The following DCLK1 variants were observed in gnomAD, a reference collection of about 807,000 sequenced individuals.
The protein encoded by DCLK1 is serine/threonine-protein kinase DCLK1.
A neutral mutation model predicts 86.2 loss-of-function variants in DCLK1; 16 were observed. The ratio of observed to expected loss-of-function variants is 0.19; its 90% CI spans 0.13 to 0.28. DCLK1 has a LOEUF of 0.28. DCLK1 is among the 10% of genes least tolerant of loss of function. DCLK1 has a pLI of 1.00. For missense variants in DCLK1, 590 were observed against 940.2 expected (o/e 0.63, Z 4.87); for synonymous variants, 369 against 370.5 (o/e 1.00, Z 0.05).
chr13:35,931,966 G>A (rs1016898918), intron 4 of DCLK1, among the ~76,000 whole-genome samples: 3 of 152,126 alleles, frequency 2.0e-5, no homozygotes, highest in Admixed American at 6.5e-5. Context: ...TTACCCACTG[G>A]GTATGTAACT....
chr13:35,824,797 C>T (rs2087482200), intron 10 of DCLK1, among the ~76,000 whole-genome samples: 1 of 152,184 alleles, frequency 6.6e-6, no homozygotes, highest in Non-Finnish European at 1.5e-5. Flanking sequence ...TTCATTCCAC[C>T]CTGTTTAATT....
chr13:35,899,376 AG>A (rs1566592744), intron 4 of DCLK1, among the ~76,000 whole-genome samples: 1 of 144,040 alleles, frequency 6.9e-6, no homozygotes, highest in African/African-American at 2.6e-5. Flanking sequence ...TGTGAGAGAG[AG>A]AGAGAGAGAG....
chr13:35,774,832 G>A (rs970725122), intron 16 of DCLK1, 133 bp from the exon 17 acceptor site: 1 of 1,023,742 alleles, frequency 9.8e-7, no homozygotes, highest in Admixed American at 2.6e-5. Context: ...CACACTTTTT[G>A]TTGACAGTCA....
chr13:35,824,571 A>G (rs1415170679), intron 10 of DCLK1, among the ~76,000 whole-genome samples: 2 of 151,204 alleles, frequency 1.3e-5, no homozygotes, highest in Non-Finnish European at 1.5e-5. Context: ...GGGCCTTCCT[A>G]CTCCGCCAAA....
At chr13:36,006,382 A>G (rs919098040) in intron 3 of DCLK1, among the ~76,000 whole-genome samples, 1 of 152,226 alleles carries the variant, frequency 6.6e-6, no homozygotes, top group Non-Finnish European at 1.5e-5. Flanking sequence ...GAAACAAGAA[A>G]GGACCACAAG....
intron 2 of DCLK1, among the ~76,000 whole-genome samples, chr13:36,115,138 C>T (rs1345572555): frequency 6.6e-6 from 1 of 152,068 alleles, no homozygotes; most frequent in Non-Finnish European, 1.5e-5. Flanking sequence ...TGCACTCCAG[C>T]CTGGGCAACA....
intron 16 of DCLK1, among the ~76,000 whole-genome samples, chr13:35,790,491 T>C (rs1027408144): frequency 6.6e-6 from 1 of 152,202 alleles, no homozygotes; most frequent in Non-Finnish European, 1.5e-5. Context: ...TAAAACATTC[T>C]AAAGGGTGTA....
At chr13:35,829,959 A>G (rs7997377) in intron 8 of DCLK1, among the ~76,000 whole-genome samples, 36,670 of 152,170 alleles carry the variant, frequency 0.24, 4,608 homozygotes, top group Admixed American at 0.32. Context: ...CCATGATGGG[A>G]TGTGAGCCAG....
At chr13:35,957,862 A>G (rs764029044) in intron 3 of DCLK1, among the ~76,000 whole-genome samples, 36 of 40,350 alleles carry the variant, frequency 8.9e-4, no homozygotes, top group Non-Finnish European at 2.1e-3. Flanking sequence ...TTTTCAAACA[A>G]CAACAATCCC....
chr13:35,778,623 G>A (rs1252062424), intron 16 of DCLK1, among the ~76,000 whole-genome samples: 4 of 152,144 alleles, frequency 2.6e-5, no homozygotes, highest in African/African-American at 9.7e-5. Context: ...GACTTTTGCT[G>A]GAACTTCACA....
chr13:35,985,943 G>C (rs1366225892), intron 3 of DCLK1, among the ~76,000 whole-genome samples: 2 of 152,154 alleles, frequency 1.3e-5, no homozygotes, highest in Admixed American at 6.5e-5. Flanking sequence ...AAAGTAAAAA[G>C]TCCAAACAAT....
At chr13:35,896,601 A>AG (rs397687155) in intron 4 of DCLK1, among the ~76,000 whole-genome samples, 3 of 150,416 alleles carry the variant, frequency 2.0e-5, no homozygotes, top group South Asian at 2.1e-4. Context: ...GAAAAAAAAA[A>AG]GTAAAGATTT....
chr13:36,126,512 C>G (rs1423403260), intron 1 of DCLK1, among the ~76,000 whole-genome samples: 2 of 152,106 alleles, frequency 1.3e-5, no homozygotes, highest in Non-Finnish European at 1.5e-5. Flanking sequence ...GATCCTCCCC[C>G]GCCCCCCAAC....
intron 8 of DCLK1, 90 bp downstream of exon 8, chr13:35,835,943 G>C: frequency 1.0e-6 from 1 of 980,926 alleles, no homozygotes; most frequent in Non-Finnish European, 1.5e-6. Context: ...TATTCCATAT[G>C]TGCCACAGAC....
intron 4 of DCLK1, among the ~76,000 whole-genome samples, chr13:35,885,153 G>A (rs976949195): frequency 1.3e-5 from 2 of 152,134 alleles, no homozygotes. Context: ...CCAGGAATGA[G>A]GTATCTGTGT....
intron 5 of DCLK1, among the ~76,000 whole-genome samples, chr13:35,862,641 G>A (rs771088054): frequency 5.9e-5 from 9 of 152,014 alleles, no homozygotes; most frequent in Non-Finnish European, 1.0e-4. Flanking sequence ...CACAACCAAC[G>A]GGGCTACCAC....
Position 35,839,118 on chromosome 13 carries a change from A to G in DCLK1, c.1094T>C (p.Met365Thr), listed in dbSNP as rs1396529215. The G allele has an allele frequency of 1.0e-5, 16 of 1,599,998 alleles. No individual in the cohort carries two copies. The highest frequency in any genetic ancestry group is 1.4e-5 in the Non-Finnish European group (16 of 1,173,500). ...TTCTCCAGGGCCATCGTTCTCATCC[A>G]TCGAGCTGCAGACTTTGGTGGACGC... is the stretch of plus-strand genomic sequence containing the variant. The part of the protein sequence containing the change: ...SLASTKVCSS[M>T]DENDGPGEEV... The change falls in exon 7 of 17, where the codon ATG becomes ACG. Residue 365 changes from methionine to threonine, a missense_variant. Around this residue, in one of 6 missense-constraint regions of DCLK1, gnomAD observed 63 missense variants for 64.3 expected, o/e 0.98. Coordinates refer to ENST00000360631, the MANE Select transcript of DCLK1 (RefSeq NM_001330071.2).
chr13:35,864,750 T>G (rs912301797), intron 5 of DCLK1, among the ~76,000 whole-genome samples: 11 of 150,088 alleles, frequency 7.3e-5, no homozygotes, highest in Non-Finnish European at 1.3e-4. Flanking sequence ...ACTCCTAGGC[T>G]CAAGACTTCA....
At chr13:35,909,878 T>G in intron 4 of DCLK1, among the ~76,000 whole-genome samples, 1 of 147,740 alleles carries the variant, frequency 6.8e-6, no homozygotes, top group East Asian at 1.9e-4. Context: ...GGCATGAGAC[T>G]TTGCCTCTCT....
Sources: gnomAD v4.1 joint callset for allele counts (sites outside exome capture counted in the v4.1 genomes callset) on GRCh38, gnomAD v4.1.1 for gene constraint, gnomAD v4.1.1 regional missense constraint, MANE v1.5 for transcripts, NCBI Gene and HGNC (gene_info 2026-07-23, HGNC 2026-07-21) for gene names.